CEP83: variants seen among roughly 807,000 people sequenced by gnomAD.
CEP83 encodes centrosomal protein 83, also known as centrosomal protein of 83 kDa.
Under a neutral mutation model 101.9 loss-of-function variants are expected in CEP83, and 70 were observed. The ratio of observed to expected loss-of-function variants is 0.69; its 90% CI spans 0.57 to 0.84. CEP83 has a LOEUF of 0.84. Among genes scored for constraint, CEP83 ranks in the 40% least tolerant of loss-of-function variants. The pLI is 0.00. For missense variants in CEP83, 715 were observed against 787.2 expected (o/e 0.91, Z 1.10); for synonymous variants, 264 against 267.9 (o/e 0.99, Z 0.14).
At chr12:94,297,382 A>C in the CEP83 span, 1 of 1,613,932 alleles carries the variant, frequency 6.2e-7, no homozygotes, top group South Asian at 1.1e-5. Flanking sequence ...GCACAAGTTC[A>C]AAGTAAAAGA....
At chr12:94,301,245 T>A in the CEP83 span, among the ~76,000 whole-genome samples, 4 of 152,298 alleles carry the variant, frequency 2.6e-5, no homozygotes, top group South Asian at 8.3e-4. Flanking sequence ...TTTTTTAAAG[T>A]GAAAAACAAA....
chr12:94,403,091 G>A (rs1370728518), intron 5 of CEP83, 79 bp downstream of exon 5: 16 of 751,702 alleles, frequency 2.1e-5, no homozygotes, highest in Non-Finnish European at 3.0e-5. Context: ...GCAGGGTTTT[G>A]GGGTAGGGGA....
At chr12:94,404,109 C>A (rs568344814) in intron 4 of CEP83, among the ~76,000 whole-genome samples, 1 of 152,170 alleles carries the variant, frequency 6.6e-6, no homozygotes, top group African/African-American at 2.4e-5. Flanking sequence ...TACAACAATG[C>A]CACAGTATAG....
At chr12:94,293,144 T>A in the CEP83 span, among the ~76,000 whole-genome samples, 6 of 152,366 alleles carry the variant, frequency 3.9e-5, no homozygotes, top group African/African-American at 1.4e-4. Flanking sequence ...ATTGTAAGAT[T>A]TACCCATGTG....
chr12:94,304,529 A>G (rs898119072), downstream of CEP83, among the ~76,000 whole-genome samples: 1 of 152,136 alleles, frequency 6.6e-6, no homozygotes, highest in Non-Finnish European at 1.5e-5. Flanking sequence ...TTCTTTGGAA[A>G]TTCAAACAGA....
chr12:94,397,564 T>A (rs1324410701), intron 6 of CEP83, among the ~76,000 whole-genome samples: 3 of 152,136 alleles, frequency 2.0e-5, no homozygotes, highest in Admixed American at 1.3e-4. Flanking sequence ...TTAATGAGAA[T>A]CACTTAGTCC....
In CEP83 at chr12:94,333,628, A is replaced by G; in HGVS notation, c.1431T>C (p.Ser477=). The change falls in exon 13 of 17, where the codon AGT becomes AGC. Residue 477 remains serine (S), a synonymous_variant. Transcript: ENST00000397809. ...ENSDLKQQIS[S]LQIQVTSLAQ... Reference sequence around the variant, plus strand: ...CAAGTGAAGTCACTTGGATCTGCAAACTACTGATTTGCTTAAAAGAGAAGA... The same window carrying G: ...CAAGTGAAGTCACTTGGATCTGCAAGCTACTGATTTGCTTAAAAGAGAAGA... 6.2e-7 allele frequency: 1 copy of G among 1,611,970 alleles called. No homozygotes were observed. The highest frequency in any genetic ancestry group is 8.5e-7 in the Non-Finnish European group (1 of 1,179,338).
chr12:94,286,498 T>TA, the CEP83 span, among the ~76,000 whole-genome samples: 1 of 151,134 alleles, frequency 6.6e-6, no homozygotes, highest in Non-Finnish European at 1.5e-5. Flanking sequence ...ACCCTTTTGT[T>TA]AAAGAAAAAA....
downstream of CEP83, among the ~76,000 whole-genome samples, chr12:94,305,022 C>T (rs1466816171): frequency 6.6e-6 from 1 of 152,186 alleles, no homozygotes; most frequent in African/African-American, 2.4e-5. Flanking sequence ...GTGATAAGGA[C>T]TTAGCAAAAC....
chr12:94,303,854 G>T (rs1459370881), downstream of CEP83: 1 of 1,607,376 alleles, frequency 6.2e-7, no homozygotes, highest in Non-Finnish European at 8.5e-7. Flanking sequence ...TGCCTCCATT[G>T]TCATCCTCAG....
At chr12:94,373,158 G>A (rs2061378633) in intron 8 of CEP83, among the ~76,000 whole-genome samples, 2 of 151,918 alleles carry the variant, frequency 1.3e-5, no homozygotes, top group South Asian at 4.1e-4. Flanking sequence ...ATGTTAAAAT[G>A]TTGCATAAAA....
chr12:94,370,040 T>C lies in CEP83; in HGVS notation c.934-4A>G. The stretch of plus-strand genomic sequence containing the variant: ...TTGAATGTTTAAGTTCTTTTACCTG[T>C]TGATAATTAAAAACTGAAATTACTA... On this transcript the variant is annotated splice_polypyrimidine_tract_variant and splice_region_variant and intron_variant, in intron 8 of 16. Coordinates refer to ENST00000397809, the MANE Select transcript of CEP83 (RefSeq NM_016122.3). The C allele has an allele frequency of 6.6e-7, 1 of 1,525,104 alleles. No individual in the cohort carries two copies. The highest frequency in any genetic ancestry group is 9.1e-7 in the Non-Finnish European group (1 of 1,101,740). The allele number at this position is 1,525,104 out of a possible 1,614,324, so 94.5% of individuals were successfully genotyped here. A position where few individuals can be genotyped will look rare whatever the true frequency, so the allele number is the denominator to read the frequency against.
At chr12:94,289,131 TGCC>T in the CEP83 span, among the ~76,000 whole-genome samples, 1 of 152,244 alleles carries the variant, frequency 6.6e-6, no homozygotes, top group Non-Finnish European at 1.5e-5. Flanking sequence ...TTCTAAGCTG[TGCC>T]ATAAACATGG....
downstream of CEP83, chr12:94,303,917 T>G (rs1968739852): frequency 6.2e-7 from 1 of 1,608,264 alleles, no homozygotes; most frequent in African/African-American, 1.3e-5. Context: ...AAAGCAGAAA[T>G]AAGCTTATAT....
chr12:94,269,216 G>C, the CEP83 span, among the ~76,000 whole-genome samples: 1 of 152,226 alleles, frequency 6.6e-6, no homozygotes, highest in African/African-American at 2.4e-5. Context: ...GTATCTGAGA[G>C]AGAGCATCTT....
At chr12:94,368,284 C>A in intron 9 of CEP83, 83 bp from the exon 10 acceptor site, 1 of 1,014,788 alleles carries the variant, frequency 9.9e-7, no homozygotes, top group Non-Finnish European at 1.4e-6. Context: ...CATTCATAAG[C>A]TGGTAAGACA....
chr12:94,337,760 A>G (rs987194699), intron 11 of CEP83, among the ~76,000 whole-genome samples: 2 of 152,214 alleles, frequency 1.3e-5, no homozygotes, highest in African/African-American at 4.8e-5. Flanking sequence ...TAGAGAAATT[A>G]AAGATACAGG....
chr12:94,353,430 G>C (rs2060294302), intron 11 of CEP83, among the ~76,000 whole-genome samples: 2 of 152,096 alleles, frequency 1.3e-5, no homozygotes. Flanking sequence ...AGAGCAGATA[G>C]ATATACAAAT....
intron 14 of CEP83, among the ~76,000 whole-genome samples, chr12:94,325,021 C>CT (rs1389631131): frequency 6.6e-6 from 1 of 152,184 alleles, no homozygotes; most frequent in Non-Finnish European, 1.5e-5. Flanking sequence ...CTCTCTTGTA[C>CT]TTGCTATTCC....
Sources: gnomAD v4.1 joint callset for allele counts (sites outside exome capture counted in the v4.1 genomes callset) on GRCh38, gnomAD v4.1.1 for gene constraint, MANE v1.5 for transcripts, NCBI Gene and HGNC (gene_info 2026-07-23, HGNC 2026-07-21) for gene names.